The following MCF2L variants were observed in gnomAD, a reference collection of about 807,000 sequenced individuals.
MCF2L encodes MCF.2 cell line derived transforming sequence like.
Under a neutral mutation model 153.4 loss-of-function variants are expected in MCF2L, and 97 were observed. That is an observed-to-expected ratio of 0.63 (90% CI 0.54 to 0.75). MCF2L has a LOEUF of 0.75. Ranked by LOEUF, MCF2L falls within the 30% of genes least tolerant of loss-of-function variation. The pLI, the probability that MCF2L is intolerant of heterozygous loss-of-function variation, is 0.00. For synonymous variants in MCF2L, 659 were observed against 632.2 expected, an observed-to-expected ratio of 1.04 and a Z score of -0.64; for missense variants, 1,347 against 1,495.2, an observed-to-expected ratio of 0.90 and a Z score of 1.64.
At chr13:113,059,784 A>G (rs1366806699) in intron 4 of MCF2L, among the ~76,000 whole-genome samples, 1 of 152,238 alleles carries the variant, frequency 6.6e-6, no homozygotes, top group Admixed American at 6.5e-5. Flanking sequence ...CACGCCTTGT[A>G]AGAGGCAGAG....
At chr13:112,968,836 GC>G, upstream of MCF2L, 1 of 1,241,500 alleles carries the variant, frequency 8.1e-7, no homozygotes, top group South Asian at 1.9e-5. Context: ...GGGGGGAAGG[GC>G]GGGGGCACTT....
At chr13:112,933,577 G>C (rs140820068) in intron 2 of MCF2L, among the ~76,000 whole-genome samples, 2 of 152,296 alleles carry the variant, frequency 1.3e-5, no homozygotes, top group Admixed American at 1.3e-4. Context: ...CTGGGATTTC[G>C]GTATTTTTCT....
intron 2 of MCF2L, among the ~76,000 whole-genome samples, chr13:113,021,709 C>T (rs2084895913): frequency 6.6e-6 from 1 of 152,206 alleles, no homozygotes; most frequent in South Asian, 2.1e-4. Context: ...AGGGGCTGTG[C>T]CCCCAGCTCC....
chr13:112,927,671 C>T (rs1345833261), intron 2 of MCF2L, among the ~76,000 whole-genome samples: 2 of 152,010 alleles, frequency 1.3e-5, no homozygotes, highest in African/African-American at 4.8e-5. Context: ...CTGCTCTTGC[C>T]AAAAAAGTAA....
At chr13:113,040,412 C>CTCTGTGTGTGTGTG (rs1555372582) in intron 3 of MCF2L, 3 of 140,252 alleles carry the variant, frequency 2.1e-5, no homozygotes, top group African/African-American at 8.4e-5. Context: ...GAGGGCCTTC[C>CTCTGTGTGTGTGTG]TGTGTGTGTG....
At chr13:112,947,475 C>T (rs1392571412) in intron 2 of MCF2L, among the ~76,000 whole-genome samples, 2 of 152,214 alleles carry the variant, frequency 1.3e-5, no homozygotes, top group East Asian at 3.8e-4. Context: ...TGTGAAATCG[C>T]ACAAGTTCTG....
Position 113,075,150 on chromosome 13 carries a change from G to T in MCF2L, c.1269G>T (p.Leu423=), listed in dbSNP as rs7139812. ...CGGAGATCGCAAGGAGGAGGGGGCT[G>T]CTCAGCAAGTCCCTGGAGCTGCACC... The part of the protein sequence containing the change: ...FSAEIARRRG[L]LSKSLELHRR... The change falls in exon 11 of 30, where the codon CTG becomes CTT. Residue 423 remains leucine, a synonymous_variant. Transcript: ENST00000535094. 1.1e-3 allele frequency: 1,788 copies of T among 1,611,530 alleles called. 18 individuals carry two copies. In the African/African-American group the frequency reaches 0.021, roughly 19 times the overall value.
intron 5 of MCF2L, among the ~76,000 whole-genome samples, chr13:113,061,553 C>T (rs1390699654): frequency 2.0e-5 from 3 of 152,086 alleles, no homozygotes; most frequent in African/African-American, 4.8e-5. Context: ...ACTCCCTGTG[C>T]GCTGGGAATC....
intron 1 of MCF2L, chr13:112,979,797 C>T (rs752677385): frequency 1.1e-5 from 17 of 1,571,206 alleles, no homozygotes; most frequent in Admixed American, 5.2e-5. Context: ...GGGGCAGGTG[C>T]TGTGTCCCCT....
At chr13:113,073,851 G>A (rs1273314982) in intron 9 of MCF2L, among the ~76,000 whole-genome samples, 4 of 151,674 alleles carry the variant, frequency 2.6e-5, no homozygotes, top group East Asian at 1.9e-4. Flanking sequence ...AGAGGCAGAG[G>A]TTACAGTGAG....
chr13:112,980,676 G>A (rs903014628), intron 1 of MCF2L, among the ~76,000 whole-genome samples: 9 of 4,870 alleles, frequency 1.8e-3, no homozygotes, highest in Non-Finnish European at 3.1e-3. Flanking sequence ...CCTTGGGCAC[G>A]GACAGAGCCT....
chr13:112,935,002 C>T (rs1006091511), intron 2 of MCF2L, among the ~76,000 whole-genome samples: 1 of 152,192 alleles, frequency 6.6e-6, no homozygotes, highest in African/African-American at 2.4e-5. Context: ...AGATTGAAAT[C>T]CAGCAAGGTG....
chr13:112,964,662 C>A (rs1238594251), upstream of MCF2L, among the ~76,000 whole-genome samples: 3 of 152,096 alleles, frequency 2.0e-5, no homozygotes, highest in Non-Finnish European at 4.4e-5. Context: ...ACTAGAAAAC[C>A]TGATTAAAAT....
chr13:113,091,104 T>G, intron 26 of MCF2L: 1 of 1,302,870 alleles, frequency 7.7e-7, no homozygotes, highest in Non-Finnish European at 1.0e-6. Flanking sequence ...TATTTCTGCC[T>G]CCTCCTCCTC....
intron 2 of MCF2L, among the ~76,000 whole-genome samples, chr13:112,933,711 T>C (rs1415405591): frequency 6.6e-6 from 1 of 152,238 alleles, no homozygotes; most frequent in Non-Finnish European, 1.5e-5. Context: ...GCCCGAGTCT[T>C]ATTAACCCAT....
chr13:113,025,685 T>C (rs1306244909), intron 3 of MCF2L, among the ~76,000 whole-genome samples: 12 of 91,020 alleles, frequency 1.3e-4, no homozygotes, highest in Middle Eastern at 6.7e-3. Context: ...GAGATTTCCC[T>C]GTCATGGGGT....
intron 3 of MCF2L, among the ~76,000 whole-genome samples, chr13:113,038,712 A>G (rs936795738): frequency 6.6e-6 from 1 of 152,174 alleles, no homozygotes; most frequent in African/African-American, 2.4e-5. Context: ...AACTTTGAAG[A>G]AAAAAGTTGA....
At chr13:113,077,336 A>C (rs2033603791) in intron 13 of MCF2L, 125 bp downstream of exon 13, 10 of 1,110,054 alleles carry the variant, frequency 9.0e-6, no homozygotes, top group Admixed American at 3.2e-5. Context: ...CTCCCCTTCC[A>C]CCTCCGGGCC....
chr13:112,998,568 T>C (rs1451044934), intron 1 of MCF2L, among the ~76,000 whole-genome samples: 4 of 152,210 alleles, frequency 2.6e-5, no homozygotes, highest in African/African-American at 9.7e-5. Flanking sequence ...GAAATGTGCT[T>C]TCCTGGGGGA....
Sources: allele counts gnomAD v4.1 joint callset (sites outside exome capture counted in the v4.1 genomes callset), GRCh38; gene constraint gnomAD v4.1.1; transcripts MANE v1.5; gene names NCBI Gene and HGNC (gene_info 2026-07-23, HGNC 2026-07-21).